HDAC9: variants seen among roughly 807,000 people sequenced by gnomAD.
HDAC9 encodes MEF-2 interacting transcription repressor (MITR) protein.
In HDAC9, 41 loss-of-function variants were observed where a neutral mutation model predicts 139.4. The observed-to-expected ratio is 0.29, with a 90% CI of 0.23 to 0.38. HDAC9 has a LOEUF of 0.38. Among genes scored for constraint, HDAC9 ranks in the 10% least tolerant of loss-of-function variants. The pLI is 1.00. For synonymous variants in HDAC9, 517 were observed against 476.2 expected (o/e 1.09, Z -1.12); for missense variants, 1,147 against 1,297.0 (o/e 0.88, Z 1.78).
intron 1 of HDAC9, among the ~76,000 whole-genome samples, chr7:18,136,131 C>A (rs1785397290): frequency 2.0e-5 from 3 of 150,036 alleles, no homozygotes; most frequent in Non-Finnish European, 4.4e-5. Context: ...ATGTCCTTCA[C>A]CCACTTTTTG....
chr7:18,941,988 G>A (rs1782059226), intron 23 of HDAC9, among the ~76,000 whole-genome samples: 1 of 152,006 alleles, frequency 6.6e-6, no homozygotes, highest in Non-Finnish European at 1.5e-5. Context: ...AGGGTGTTAA[G>A]GAGAATATGG....
chr7:18,561,661 ATT>A (rs140643149), intron 2 of HDAC9, among the ~76,000 whole-genome samples: 111,355 of 151,844 alleles, frequency 0.73, 41,975 homozygotes, highest in African/African-American at 0.93. Flanking sequence ...AAATGTGCCC[ATT>A]TTTTGGACAT....
chr7:18,699,544 G>A (rs112722412), intron 12 of HDAC9, among the ~76,000 whole-genome samples: 3,200 of 152,194 alleles, frequency 0.021, 47 homozygotes, highest in Middle Eastern at 0.041. Context: ...GAACTTTAGA[G>A]GTTCTTGTAT....
intron 14 of HDAC9, among the ~76,000 whole-genome samples, chr7:18,755,417 CTTATTAATAAAAAGAG>C (rs1788789902): frequency 6.6e-6 from 1 of 152,022 alleles, no homozygotes; most frequent in African/African-American, 2.4e-5. Flanking sequence ...AGCGTTGAAG[CTTATTAATAAAAAGAG>C]TTATATAATT....
chr7:18,185,622 C>T (rs934819643), intron 2 of HDAC9, among the ~76,000 whole-genome samples: 1 of 151,918 alleles, frequency 6.6e-6, no homozygotes, highest in Non-Finnish European at 1.5e-5. Context: ...TAAAAAGCCC[C>T]TTTTTTTTCT....
chr7:18,556,277 C>A (rs1300549481), intron 2 of HDAC9, among the ~76,000 whole-genome samples: 1 of 151,950 alleles, frequency 6.6e-6, no homozygotes, highest in Non-Finnish European at 1.5e-5. Flanking sequence ...AAAACAGTTA[C>A]AAAGATTTGT....
intron 2 of HDAC9, among the ~76,000 whole-genome samples, chr7:18,525,358 T>C (rs1806490070): frequency 6.6e-6 from 1 of 152,134 alleles, no homozygotes; most frequent in South Asian, 2.1e-4. Flanking sequence ...TACCAAGGAT[T>C]TTGTATCTTT....
intron 22 of HDAC9, among the ~76,000 whole-genome samples, chr7:18,921,189 TA>T (rs1803682213): frequency 6.6e-6 from 1 of 152,106 alleles, no homozygotes; most frequent in African/African-American, 2.4e-5. Context: ...ACTTCATGTC[TA>T]AAACACCAAA....
chr7:18,844,324 A>G (rs1191627604), intron 21 of HDAC9, among the ~76,000 whole-genome samples: 2 of 152,188 alleles, frequency 1.3e-5, no homozygotes, highest in South Asian at 4.1e-4. Context: ...AGACTTACCA[A>G]AATGGCATTT....
intron 2 of HDAC9, among the ~76,000 whole-genome samples, chr7:18,246,716 T>G (rs1794561162): frequency 6.6e-6 from 1 of 152,124 alleles, no homozygotes. Flanking sequence ...TGACTTTTAC[T>G]CTGAACAAAA....
chr7:18,747,467 G>A (rs1159806688), intron 13 of HDAC9, among the ~76,000 whole-genome samples: 1 of 152,206 alleles, frequency 6.6e-6, no homozygotes, highest in Admixed American at 6.5e-5. Flanking sequence ...GGGACATTAA[G>A]GTTTCTCGTA....
intron 21 of HDAC9, among the ~76,000 whole-genome samples, chr7:18,870,676 G>T (rs575743647): frequency 6.6e-6 from 1 of 152,130 alleles, no homozygotes; most frequent in Non-Finnish European, 1.5e-5. Context: ...CATTATTATT[G>T]TTATTACTAT....
In HDAC9 at chr7:18,786,641, T is replaced by TTCCTTC. The variant is rs1298940818; in HGVS notation, c.2215-6704_2215-6703insTCCTTC. On this transcript the variant is annotated intron_variant, in intron 16 of 25. Coordinates refer to ENST00000686413, the MANE Select transcript of HDAC9 (RefSeq NM_178425.4). ...TCCCTCCCTCCCTCCTTCCTTCCTT[T>TTCCTTC]CTTCCCTCCTTCTTTCCTCCCTTCC... 4.3e-4 allele frequency among the ~76,000 whole-genome samples: 25 copies of TTCCTTC among 58,178 alleles called. 1 individual carries two copies. Among genetic ancestry groups the TTCCTTC allele is most frequent in the Non-Finnish European group, 6.8e-4 (17 of 25,024 alleles). The allele number at this position is 58,178 out of a possible 152,430, so 38.2% of individuals were successfully genotyped here.
At chr7:18,124,155 C>T (rs1228564027) in intron 1 of HDAC9, among the ~76,000 whole-genome samples, 9 of 152,096 alleles carry the variant, frequency 5.9e-5, no homozygotes, top group Admixed American at 5.2e-4. Flanking sequence ...AGTTCACCTT[C>T]GGGGGATAAG....
intron 21 of HDAC9, among the ~76,000 whole-genome samples, chr7:18,840,740 C>T (rs1796532144): frequency 6.6e-6 from 1 of 152,048 alleles, no homozygotes; most frequent in African/African-American, 2.4e-5. Flanking sequence ...GAGTTCATAT[C>T]TGTTTACTTT....
At chr7:18,174,961 A>G (rs1432019288) in intron 2 of HDAC9, among the ~76,000 whole-genome samples, 3 of 152,182 alleles carry the variant, frequency 2.0e-5, no homozygotes, top group African/African-American at 7.2e-5. Flanking sequence ...CTCAAACACC[A>G]TGCTGGGAGA....
At chr7:18,142,843 C>T (rs1584297710) in intron 1 of HDAC9, among the ~76,000 whole-genome samples, 1 of 152,184 alleles carries the variant, frequency 6.6e-6, no homozygotes, top group Non-Finnish European at 1.5e-5. Flanking sequence ...CTCCTCCTCT[C>T]CCTGCTCCCA....
At chr7:18,242,319 A>G (rs1222827964) in intron 2 of HDAC9, among the ~76,000 whole-genome samples, 1 of 152,190 alleles carries the variant, frequency 6.6e-6, no homozygotes, top group Non-Finnish European at 1.5e-5. Flanking sequence ...TAATCCTTGT[A>G]CTATATTTGC....
intron 21 of HDAC9, among the ~76,000 whole-genome samples, chr7:18,858,457 C>T (rs1797855567): frequency 6.6e-6 from 1 of 152,124 alleles, no homozygotes; most frequent in African/African-American, 2.4e-5. Context: ...CTCAATATCA[C>T]AGGAACAGGA....
Sources: gnomAD v4.1 joint callset for allele counts (sites outside exome capture counted in the v4.1 genomes callset) on GRCh38, gnomAD v4.1.1 for gene constraint, MANE v1.5 for transcripts, NCBI Gene and HGNC (gene_info 2026-07-23, HGNC 2026-07-21) for gene names.